CPA6: variants seen among roughly 807,000 people sequenced by gnomAD.
CPA6 encodes the protein carboxypeptidase A6.
Under a neutral mutation model 63.3 loss-of-function variants are expected in CPA6, and 58 were observed. The ratio of observed to expected loss-of-function variants is 0.92; its 90% CI spans 0.74 to 1.14. CPA6 has a LOEUF of 1.14. Ranked by LOEUF, CPA6 falls within the 50% of genes most tolerant of loss-of-function variation. The pLI is 0.00. For synonymous variants in CPA6, 185 were observed against 179.0 expected, an observed-to-expected ratio of 1.03 and a Z score of -0.27; for missense variants, 565 against 526.6, an observed-to-expected ratio of 1.07 and a Z score of -0.71.
At chr8:67,448,276 C>T (rs190057886) in intron 8 of CPA6, among the ~76,000 whole-genome samples, 1 of 152,246 alleles carries the variant, frequency 6.6e-6, no homozygotes, top group African/African-American at 2.4e-5. Flanking sequence ...TTTGTTTATT[C>T]AATCATTTAT....
chr8:67,577,624 G>A (rs1178300415), intron 2 of CPA6, among the ~76,000 whole-genome samples: 2 of 152,196 alleles, frequency 1.3e-5, no homozygotes, highest in Non-Finnish European at 2.9e-5. Context: ...TTTTGTATCA[G>A]ATGTGATATT....
intron 8 of CPA6, among the ~76,000 whole-genome samples, chr8:67,443,204 G>A (rs1192694256): frequency 6.6e-6 from 1 of 151,796 alleles, no homozygotes; most frequent in Non-Finnish European, 1.5e-5. Flanking sequence ...CTGAGATTAG[G>A]TGCGCACCAC....
intron 2 of CPA6, among the ~76,000 whole-genome samples, chr8:67,553,993 C>T (rs777833244): frequency 3.9e-5 from 6 of 152,126 alleles, no homozygotes; most frequent in Non-Finnish European, 7.4e-5. Context: ...TGTCTGTCTA[C>T]TTATCTATTT....
chr8:67,701,407 C>T (rs1482565410), intron 1 of CPA6, among the ~76,000 whole-genome samples: 1 of 152,130 alleles, frequency 6.6e-6, no homozygotes, highest in Non-Finnish European at 1.5e-5. Flanking sequence ...ATATTTAAAT[C>T]TGAATTATTA....
At chr8:67,724,672 A>G (rs1350506451) in intron 1 of CPA6, among the ~76,000 whole-genome samples, 1 of 152,236 alleles carries the variant, frequency 6.6e-6, no homozygotes, top group Non-Finnish European at 1.5e-5. Context: ...TGCAAAGTCT[A>G]ATGTCCTACA....
intron 2 of CPA6, among the ~76,000 whole-genome samples, chr8:67,609,517 T>C (rs1814748471): frequency 6.6e-6 from 1 of 152,222 alleles, no homozygotes. Context: ...ATATATATCA[T>C]TTTTCTTGAC....
intron 2 of CPA6, among the ~76,000 whole-genome samples, chr8:67,607,949 G>A (rs922816900): frequency 1.3e-5 from 2 of 151,004 alleles, no homozygotes; most frequent in Non-Finnish European, 2.9e-5. Flanking sequence ...GACAAAGGTG[G>A]TTATTTCTTG....
chr8:67,516,186 C>A (rs1211763719), intron 3 of CPA6, among the ~76,000 whole-genome samples: 5 of 152,146 alleles, frequency 3.3e-5, no homozygotes. Flanking sequence ...TTGGTAATAC[C>A]CTTTAACCCC....
intron 1 of CPA6, among the ~76,000 whole-genome samples, chr8:67,669,075 T>C (rs1816290607): frequency 6.6e-6 from 1 of 152,228 alleles, no homozygotes; most frequent in Non-Finnish European, 1.5e-5. Context: ...AAGGATGGAC[T>C]GGGACAGATC....
intron 1 of CPA6, among the ~76,000 whole-genome samples, chr8:67,724,057 TAAGA>T (rs1220569154): frequency 6.6e-6 from 1 of 152,146 alleles, no homozygotes; most frequent in Non-Finnish European, 1.5e-5. Flanking sequence ...CAGAAGCTGA[TAAGA>T]AAATGCAAAA....
intron 8 of CPA6, among the ~76,000 whole-genome samples, chr8:67,441,709 G>T (rs1810297951): frequency 6.6e-6 from 1 of 152,060 alleles, no homozygotes; most frequent in Admixed American, 6.5e-5. Flanking sequence ...ACATAATATG[G>T]AGAAACCAGA....
intron 2 of CPA6, among the ~76,000 whole-genome samples, chr8:67,595,368 C>T (rs1814299048): frequency 6.6e-6 from 1 of 152,234 alleles, no homozygotes; most frequent in Admixed American, 6.5e-5. Context: ...TGCCCGTTCT[C>T]AGATCTCCAG....
At chr8:67,498,883 C>T (rs566985497) in intron 6 of CPA6, among the ~76,000 whole-genome samples, 15 of 152,284 alleles carry the variant, frequency 9.9e-5, no homozygotes, top group Admixed American at 3.9e-4. Flanking sequence ...GTACTGCAAA[C>T]AGAAAGGTGA....
At chr8:67,480,603 G>T (rs562672377) in intron 8 of CPA6, among the ~76,000 whole-genome samples, 2 of 151,540 alleles carry the variant, frequency 1.3e-5, no homozygotes, top group South Asian at 4.2e-4. Context: ...CCACTTTTTG[G>T]CTATTATGAA....
intron 2 of CPA6, among the ~76,000 whole-genome samples, chr8:67,559,870 T>TACACACAC (rs1554674455): frequency 1.4e-5 from 2 of 146,786 alleles, no homozygotes; most frequent in African/African-American, 2.5e-5. Context: ...TATATATGTA[T>TACACACAC]ACACACACAC....
intron 2 of CPA6, among the ~76,000 whole-genome samples, chr8:67,551,993 G>A (rs746564710): frequency 9.2e-5 from 14 of 152,214 alleles, no homozygotes; most frequent in African/African-American, 2.7e-4. Context: ...GATGTAATAA[G>A]AGGATTGTTG....
intron 2 of CPA6, among the ~76,000 whole-genome samples, chr8:67,550,438 C>T (rs1048141427): frequency 6.6e-6 from 1 of 152,102 alleles, no homozygotes; most frequent in East Asian, 1.9e-4. Context: ...TTATTCAATC[C>T]ACCATTGACG....
Position 67,607,169 on chromosome 8 carries a change from C to CTCTTCTTCTTCTTCTTCT in CPA6, c.192+16989_192+17006dup, listed in dbSNP as rs1211819002. 2.3e-3 allele frequency among the ~76,000 whole-genome samples: 64 copies of CTCTTCTTCTTCTTCTTCT among 28,390 alleles called. 1 individual carries two copies. The highest frequency in any genetic ancestry group is 2.7e-3 in the Non-Finnish European group (46 of 17,042). 18.6% of individuals were successfully genotyped at this position (28,390 alleles called of 152,430 possible). On this transcript the variant is annotated intron_variant, in intron 2 of 10. Coordinates refer to ENST00000297770, the MANE Select transcript of CPA6 (RefSeq NM_020361.5). ...CCCCCCCCTCCTCTTCTTCTTCTTC[C>CTCTTCTTCTTCTTCTTCT]TCTTCTTCTTCTTCTTCTTCTTCTT...
At chr8:67,530,557 T>G (rs1487614348) in intron 2 of CPA6, among the ~76,000 whole-genome samples, 1 of 152,172 alleles carries the variant, frequency 6.6e-6, no homozygotes, top group Non-Finnish European at 1.5e-5. Flanking sequence ...AACACCCCTT[T>G]GACAGTAGAG....
Sources: allele counts gnomAD v4.1 joint callset (sites outside exome capture counted in the v4.1 genomes callset), GRCh38; gene constraint gnomAD v4.1.1; transcripts MANE v1.5; gene names NCBI Gene and HGNC (gene_info 2026-07-23, HGNC 2026-07-21).